NETO2: variants seen among roughly 807,000 people sequenced by gnomAD.
NETO2 encodes the protein neuropilin and tolloid-like protein 2.
In NETO2, 28 loss-of-function variants were observed where a neutral mutation model predicts 62.5. The observed-to-expected ratio is 0.45, with a 90% CI of 0.33 to 0.61. The LOEUF is 0.61. Among genes scored for constraint, NETO2 ranks in the 20% least tolerant of loss-of-function variants. The pLI is 0.02. For synonymous variants in NETO2, 214 were observed against 219.1 expected (o/e 0.98, Z 0.21); for missense variants, 548 against 643.2 (o/e 0.85, Z 1.60).
At chr16:47,089,687 C>T (rs1963273321) in intron 7 of NETO2, among the ~76,000 whole-genome samples, 1 of 152,082 alleles carries the variant, frequency 6.6e-6, no homozygotes, top group South Asian at 2.1e-4. Flanking sequence ...ATATTGAGGG[C>T]TGGGGAGTGT....
At chr16:47,125,216 C>A (rs893053443) in intron 4 of NETO2, among the ~76,000 whole-genome samples, 1 of 152,166 alleles carries the variant, frequency 6.6e-6, no homozygotes, top group Non-Finnish European at 1.5e-5. Flanking sequence ...AAATAGCTGA[C>A]CAATTTAATC....
intron 4 of NETO2, among the ~76,000 whole-genome samples, chr16:47,123,392 G>A (rs981738958): frequency 6.6e-5 from 10 of 152,110 alleles, no homozygotes; most frequent in African/African-American, 2.2e-4. Context: ...TGTAGTGCCA[G>A]CTACTTGGGA....
intron 4 of NETO2, among the ~76,000 whole-genome samples, chr16:47,124,750 G>A (rs552716692): frequency 6.6e-6 from 1 of 152,188 alleles, no homozygotes; most frequent in East Asian, 1.9e-4. Context: ...TATGAACCAA[G>A]AAAATCACTT....
At chr16:47,133,772 T>C (rs1271499901) in intron 1 of NETO2, among the ~76,000 whole-genome samples, 1 of 152,012 alleles carries the variant, frequency 6.6e-6, no homozygotes, top group South Asian at 2.1e-4. Context: ...TAGAGAAAAG[T>C]TGGGTGAGAT....
intron 7 of NETO2, among the ~76,000 whole-genome samples, chr16:47,104,793 C>T (rs913331046): frequency 5.3e-5 from 8 of 152,210 alleles, no homozygotes; most frequent in South Asian, 2.1e-4. Context: ...GATCTCGGCT[C>T]GCTGTGACCT....
chr16:47,088,823 C>G (rs948199054), intron 7 of NETO2, among the ~76,000 whole-genome samples: 2 of 152,148 alleles, frequency 1.3e-5, no homozygotes, highest in African/African-American at 2.4e-5. Context: ...CATTCATCTG[C>G]CTTACCCACT....
intron 6 of NETO2, among the ~76,000 whole-genome samples, chr16:47,115,129 T>C (rs1415234745): frequency 6.6e-6 from 1 of 152,244 alleles, no homozygotes; most frequent in Non-Finnish European, 1.5e-5. Context: ...ACCACAGTCT[T>C]GGTTACTGAA....
intron 1 of NETO2, among the ~76,000 whole-genome samples, chr16:47,136,942 T>TG (rs574971800): frequency 6.6e-6 from 1 of 151,470 alleles, no homozygotes; most frequent in Non-Finnish European, 1.5e-5. Flanking sequence ...TAATAATAAA[T>TG]GGGGGAAAAA....
At chr16:47,098,546 G>A (rs1031775666) in intron 7 of NETO2, among the ~76,000 whole-genome samples, 5 of 152,138 alleles carry the variant, frequency 3.3e-5, no homozygotes, top group Admixed American at 6.6e-5. Flanking sequence ...CCAAACCTAC[G>A]TTTGACTGGT....
intron 7 of NETO2, among the ~76,000 whole-genome samples, chr16:47,091,755 C>A (rs1963317320): frequency 6.6e-6 from 1 of 152,158 alleles, no homozygotes; most frequent in Non-Finnish European, 1.5e-5. Context: ...GCAGAGGGTG[C>A]CTATGTGACC....
At chr16:47,114,336 T>C (rs1407952091) in intron 6 of NETO2, among the ~76,000 whole-genome samples, 3 of 150,254 alleles carry the variant, frequency 2.0e-5, no homozygotes, top group African/African-American at 2.5e-5. Context: ...AATCTTTTCA[T>C]AGGTGATTTT....
chr16:47,089,145 C>T (rs1392028879), intron 7 of NETO2, among the ~76,000 whole-genome samples: 2 of 152,192 alleles, frequency 1.3e-5, no homozygotes, highest in Non-Finnish European at 2.9e-5. Flanking sequence ...TACAGTTCAA[C>T]AGTCTTCACA....
rs79529934 is a variant in NETO2, at chr16:47,136,807, T to C, written c.35-4782A>G. 2.5e-4 allele frequency among the ~76,000 whole-genome samples: 38 copies of C among 151,970 alleles called. No individual in the cohort carries two copies. In the East Asian group the frequency reaches 7.1e-3, roughly 29 times the overall value. ...ACATATTAATTCTTTGAAATAAAAA[T>C]AGATCTCGCCTTCAAGCTAAAAACA... On this transcript the variant is annotated intron_variant, in intron 1 of 8. Transcript: ENST00000562435.
chr16:47,127,370 C>A (rs1236633489), intron 4 of NETO2, among the ~76,000 whole-genome samples: 1 of 152,130 alleles, frequency 6.6e-6, no homozygotes, highest in African/African-American at 2.4e-5. Context: ...AGTAGCCCCC[C>A]AATATACACA....
In NETO2 at chr16:47,082,906, A is replaced by G. The variant is rs1195010411; in HGVS notation, c.*315T>C. ...AGTCAAGAGCAGTCTTCTTGTTGCT[A>G]AAACGAAGAGGCAGCCTGAGCCTGG... On this transcript the variant is annotated 3_prime_UTR_variant, in exon 9 of 9. Coordinates refer to ENST00000562435, the MANE Select transcript of NETO2 (RefSeq NM_018092.5). 5 of 261,714 alleles carry G rather than the reference A, an allele frequency of 1.9e-5. No homozygotes were observed. The highest frequency in any genetic ancestry group is 1.1e-4 in the African/African-American group (5 of 45,420). 16.2% of individuals were successfully genotyped at this position (261,714 alleles called of 1,614,324 possible). A position where few individuals can be genotyped will look rare whatever the true frequency, so the allele number is the denominator to read the frequency against.
intron 6 of NETO2, among the ~76,000 whole-genome samples, chr16:47,115,714 C>CATATATATATATATATATAT (rs918750034): frequency 7.8e-6 from 1 of 128,504 alleles, no homozygotes; most frequent in African/African-American, 3.5e-5. Flanking sequence ...TATATATATA[C>CATATATATATATATATATAT]ATATATATAT....
intron 1 of NETO2, among the ~76,000 whole-genome samples, chr16:47,138,070 T>C (rs373579528): frequency 3.3e-5 from 5 of 152,212 alleles, no homozygotes; most frequent in African/African-American, 9.6e-5. Context: ...TTATCAAGAA[T>C]GATGACTTGA....
Position 47,080,488 on chromosome 16 carries a change from C to T in NETO2, c.*2733G>A, listed in dbSNP as rs1963044903. On this transcript the variant is annotated 3_prime_UTR_variant, in exon 9 of 9. Transcript: ENST00000562435. The stretch of plus-strand genomic sequence containing the variant: ...TTTAGTAAGCAATTTATAAAGTTTT[C>T]TCACTGATCTCAAAGATTAAAGGCT... The T allele has an allele frequency of 6.6e-6, 1 of 152,148 alleles. No individual in the cohort carries two copies. Among genetic ancestry groups the T allele is most frequent in the African/African-American group, 2.4e-5 (1 of 41,422 alleles). The allele number at this position is 152,148 out of a possible 1,614,324, so 9.4% of individuals were successfully genotyped here. A position where few individuals can be genotyped will look rare whatever the true frequency, so the allele number is the denominator to read the frequency against.
chr16:47,137,202 T>G (rs1184852519), intron 1 of NETO2, among the ~76,000 whole-genome samples: 1 of 152,230 alleles, frequency 6.6e-6, no homozygotes, highest in Non-Finnish European at 1.5e-5. Context: ...ACTGAATCAC[T>G]GTGACCGTGG....
Sources: allele counts gnomAD v4.1 joint callset (sites outside exome capture counted in the v4.1 genomes callset), GRCh38; gene constraint gnomAD v4.1.1; transcripts MANE v1.5; gene names NCBI Gene and HGNC (gene_info 2026-07-23, HGNC 2026-07-21).